Variants in SLC25A48 observed in about 807,000 individuals in gnomAD.
The protein encoded by SLC25A48 is solute carrier family 25 member 48, also known as CTC-321K16.1.
A neutral mutation model predicts 32.2 loss-of-function variants in SLC25A48; 29 were observed. The observed-to-expected ratio is 0.90, with a 90% CI of 0.67 to 1.23. The LOEUF (loss-of-function observed/expected upper bound fraction) is 1.23. Ranked by LOEUF, SLC25A48 falls within the 50% of genes most tolerant of loss-of-function variation. The pLI is 0.00. For synonymous variants in SLC25A48, 164 were observed against 172.3 expected, an observed-to-expected ratio of 0.95 and a Z score of 0.38; for missense variants, 399 against 422.7, an observed-to-expected ratio of 0.94 and a Z score of 0.49.
chr5:135,827,339 C>T (rs938603755), intron 4 of SLC25A48: 5 of 152,272 alleles, frequency 3.3e-5, no homozygotes, highest in Non-Finnish European at 7.3e-5. Context: ...AATGCCCTCA[C>T]CTGCTCACAT....
At chr5:135,810,362 C>G (rs538948620) in intron 3 of SLC25A48, among the ~76,000 whole-genome samples, 2 of 152,216 alleles carry the variant, frequency 1.3e-5, no homozygotes, top group East Asian at 3.9e-4. Flanking sequence ...ATTCACTTGC[C>G]AATTACTGTT....
At chr5:135,641,991 G>A (rs547638512) in intron 3 of SLC25A48, among the ~76,000 whole-genome samples, 1 of 152,306 alleles carries the variant, frequency 6.6e-6, no homozygotes, top group Non-Finnish European at 1.5e-5. Flanking sequence ...ATATTTTTCT[G>A]AAGGCAGAAC....
At chr5:135,818,846 G>A (rs1397574581) in intron 4 of SLC25A48, among the ~76,000 whole-genome samples, 1 of 151,816 alleles carries the variant, frequency 6.6e-6, no homozygotes, top group Non-Finnish European at 1.5e-5. Context: ...CATTTGGCAC[G>A]AATAAAAAGA....
chr5:135,622,101 C>T (rs1196887537), intron 1 of SLC25A48, among the ~76,000 whole-genome samples: 1 of 152,158 alleles, frequency 6.6e-6, no homozygotes, highest in African/African-American at 2.4e-5. Context: ...ACTTCACTGA[C>T]AGTCAAAAAA....
chr5:135,637,313 G>T (rs781525513), intron 3 of SLC25A48, among the ~76,000 whole-genome samples: 5 of 152,162 alleles, frequency 3.3e-5, no homozygotes, highest in Non-Finnish European at 4.4e-5. Context: ...AGGATTTCCA[G>T]ATTAAATCAA....
At chr5:135,607,632 G>A (rs973693893) in intron 1 of SLC25A48, among the ~76,000 whole-genome samples, 1 of 152,228 alleles carries the variant, frequency 6.6e-6, no homozygotes, top group Non-Finnish European at 1.5e-5. Context: ...ATCTCTGAGT[G>A]TATATGTTTT....
chr5:135,591,994 T>C (rs191945104), intron 1 of SLC25A48, among the ~76,000 whole-genome samples: 114 of 152,148 alleles, frequency 7.5e-4, no homozygotes, highest in African/African-American at 2.6e-3. Context: ...ATGGGAGACT[T>C]TGTAGTATGA....
chr5:135,643,118 G>T (rs955913236), intron 3 of SLC25A48, among the ~76,000 whole-genome samples: 1 of 152,196 alleles, frequency 6.6e-6, no homozygotes, highest in African/African-American at 2.4e-5. Context: ...CAGCCGTCCC[G>T]TCACCCGGAC....
chr5:135,728,877 C>CACACACACACACAA (rs1561466213), intron 3 of SLC25A48, among the ~76,000 whole-genome samples: 5 of 149,906 alleles, frequency 3.3e-5, no homozygotes, highest in Non-Finnish European at 7.4e-5. Flanking sequence ...CACACACACA[C>CACACACACACACAA]ACACACATAC....
At chr5:135,618,876 G>T (rs1333977912) in intron 1 of SLC25A48, among the ~76,000 whole-genome samples, 1 of 150,408 alleles carries the variant, frequency 6.6e-6, no homozygotes, top group South Asian at 2.1e-4. Flanking sequence ...TCTGATAGGG[G>T]TTCATTGATA....
chr5:135,709,921 G>C (rs779495265), intron 3 of SLC25A48, among the ~76,000 whole-genome samples: 5 of 152,098 alleles, frequency 3.3e-5, no homozygotes, highest in African/African-American at 9.7e-5. Context: ...TTATCACCTA[G>C]GTCGTTGGGT....
intron 1 of SLC25A48, among the ~76,000 whole-genome samples, chr5:135,622,858 A>G (rs1433618753): frequency 6.6e-6 from 1 of 152,240 alleles, no homozygotes; most frequent in Non-Finnish European, 1.5e-5. Context: ...TAATAAAAAG[A>G]CTGTGTTTCT....
At chr5:135,737,711 T>G (rs528894252) in intron 3 of SLC25A48, among the ~76,000 whole-genome samples, 7 of 152,286 alleles carry the variant, frequency 4.6e-5, no homozygotes, top group African/African-American at 1.7e-4. Context: ...CGGAACATTT[T>G]GAGAACAGGG....
intron 4 of SLC25A48, chr5:135,824,774 G>A (rs904475888): frequency 2.0e-5 from 3 of 152,396 alleles, no homozygotes; most frequent in Non-Finnish European, 4.4e-5. Context: ...AGGAGGCACG[G>A]GCTGGCTGCT....
At chr5:135,694,585 A>T (rs1048674969) in intron 3 of SLC25A48, among the ~76,000 whole-genome samples, 1 of 149,488 alleles carries the variant, frequency 6.7e-6, no homozygotes, top group Admixed American at 6.6e-5. Flanking sequence ...TTATTTATTT[A>T]TTTACTTTTA....
intron 3 of SLC25A48, among the ~76,000 whole-genome samples, chr5:135,778,835 A>ACCC (rs1440052779): frequency 1.2e-4 from 14 of 114,706 alleles, no homozygotes; most frequent in Non-Finnish European, 1.8e-4. Context: ...AGTGGTGTAC[A>ACCC]CACACCCCCC....
upstream of SLC25A48, chr5:135,834,544 T>C (rs1758334634): frequency 2.3e-6 from 1 of 425,646 alleles, no homozygotes; most frequent in Admixed American, 4.0e-5. Context: ...TAAGAGAATT[T>C]CACTTGATGA....
chr5:135,851,094 A>C (rs1759817281), intron 3 of SLC25A48, among the ~76,000 whole-genome samples: 1 of 152,162 alleles, frequency 6.6e-6, no homozygotes, highest in African/African-American at 2.4e-5. Context: ...AAATGACCTG[A>C]TTTAAAGAAA....
At chr5:135,642,621 TA>T (rs1192187290) in intron 3 of SLC25A48, among the ~76,000 whole-genome samples, 2 of 152,264 alleles carry the variant, frequency 1.3e-5, no homozygotes, top group African/African-American at 2.4e-5. Flanking sequence ...AATAATGTGT[TA>T]TTTTTTTGGA....
Sources: gnomAD v4.1 joint callset for allele counts (sites outside exome capture counted in the v4.1 genomes callset) on GRCh38, gnomAD v4.1.1 for gene constraint, MANE v1.5 for transcripts, NCBI Gene and HGNC (gene_info 2026-07-23, HGNC 2026-07-21) for gene names.